The following MAP3K20 variants were observed in gnomAD, a reference collection of about 807,000 sequenced individuals.
MAP3K20 encodes mitogen-activated protein kinase kinase kinase 20, also known as HCCS-4.
Under a neutral mutation model 85.7 loss-of-function variants are expected in MAP3K20, and 40 were observed. That is an observed-to-expected ratio of 0.47 (90% CI 0.36 to 0.61). MAP3K20 has a LOEUF of 0.61. MAP3K20 is among the 20% of genes least tolerant of loss of function. The pLI is 0.00. For missense variants in MAP3K20, 817 were observed against 961.7 expected, an observed-to-expected ratio of 0.85 and a Z score of 1.99; for synonymous variants, 325 against 327.7, an observed-to-expected ratio of 0.99 and a Z score of 0.09.
At chr2:173,130,585 TA>T (rs1688587946) in intron 2 of MAP3K20, among the ~76,000 whole-genome samples, 1 of 151,736 alleles carries the variant, frequency 6.6e-6, no homozygotes, top group Non-Finnish European at 1.5e-5. Flanking sequence ...TTTTAGATTT[TA>T]AATGCACGTT....
At chr2:173,109,957 A>C (rs960911180) in intron 2 of MAP3K20, among the ~76,000 whole-genome samples, 1 of 151,796 alleles carries the variant, frequency 6.6e-6, no homozygotes, top group Non-Finnish European at 1.5e-5. Context: ...ATGCAGTTGC[A>C]GATGAGAAAT....
At chr2:173,185,264 G>A (rs1231963461) in intron 4 of MAP3K20, among the ~76,000 whole-genome samples, 1 of 152,084 alleles carries the variant, frequency 6.6e-6, no homozygotes, top group Non-Finnish European at 1.5e-5. Flanking sequence ...AAGGGAAGGA[G>A]AGAATGGGAT....
intron 2 of MAP3K20, among the ~76,000 whole-genome samples, chr2:173,107,218 A>AG (rs1687806942): frequency 6.6e-6 from 1 of 152,158 alleles, no homozygotes. Flanking sequence ...GGTGGTAATG[A>AG]GGGGCTCCCC....
At chr2:173,152,124 C>T (rs1465663085) in intron 2 of MAP3K20, among the ~76,000 whole-genome samples, 3 of 152,118 alleles carry the variant, frequency 2.0e-5, no homozygotes, top group Admixed American at 2.0e-4. Flanking sequence ...CATCTCTGGG[C>T]TCACTGTTGG....
rs755404451 is a variant in MAP3K20 at position 173,258,667 on chromosome 2, C to G, written c.1360-32C>G. On this transcript the variant is annotated intron_variant, in intron 16 of 19. Coordinates refer to ENST00000375213, the MANE Select transcript of MAP3K20 (RefSeq NM_016653.3). ...ACTAAAAAAAAAATTGTTTCACTTTCTCAAATTCTGTAATTTTGTTTTTAA... is the reference window on the plus strand; with the variant it reads ...ACTAAAAAAAAAATTGTTTCACTTTGTCAAATTCTGTAATTTTGTTTTTAA... The G allele has an allele frequency of 2.2e-6, 3 of 1,371,766 alleles. No homozygotes were observed. The African/African-American group carries it at 4.4e-5, about 20-fold the overall frequency. The allele number at this position is 1,371,766 out of a possible 1,614,324, so 85.0% of individuals were successfully genotyped here. A position where few individuals can be genotyped will look rare whatever the true frequency, so the allele number is the denominator to read the frequency against.
intron 2 of MAP3K20, among the ~76,000 whole-genome samples, chr2:173,159,584 C>T: frequency 6.6e-6 from 1 of 151,974 alleles, no homozygotes. Flanking sequence ...GAGATAGGGT[C>T]TCACTATGTT....
upstream of MAP3K20, chr2:173,075,766 C>T (rs553136771): frequency 2.6e-5 from 26 of 985,378 alleles, no homozygotes; most frequent in Admixed American, 3.1e-4. Context: ...CCACGCCCCG[C>T]TCGCCCGCGC....
chr2:173,264,781 T>G (rs111512917), intron 19 of MAP3K20, among the ~76,000 whole-genome samples: 1 of 151,896 alleles, frequency 6.6e-6, no homozygotes. Context: ...TCATGTGACG[T>G]ATGTAAAGTA....
At chr2:173,135,489 A>G (rs145055811) in intron 2 of MAP3K20, among the ~76,000 whole-genome samples, 1,830 of 152,342 alleles carry the variant, frequency 0.012, 21 homozygotes, top group Middle Eastern at 0.027. Context: ...ACAGAAGGAC[A>G]TTTTATATTT....
At chr2:173,084,536 CA>C (rs1687095766) in intron 1 of MAP3K20, among the ~76,000 whole-genome samples, 1 of 150,480 alleles carries the variant, frequency 6.6e-6, no homozygotes, top group Admixed American at 6.6e-5. Context: ...TGACAAAAAC[CA>C]AAAACGGCAG....
Position 173,217,106 on chromosome 2 carries a change from C to T in MAP3K20, c.852-9C>T, listed in dbSNP as rs751500522. 6.5e-7 allele frequency: 1 copy of T among 1,535,040 alleles called. No homozygotes were observed. The highest frequency in any genetic ancestry group is 1.3e-5 in the South Asian group (1 of 76,420). On this transcript the variant is annotated splice_polypyrimidine_tract_variant and intron_variant, in intron 10 of 19. Transcript: ENST00000375213. Reference sequence around the variant, plus strand: ...AAAGTTGAGACTTACACCAGCTATCCCCGTGCAGGTGCGAAATTGAGGCAA... The same window carrying T: ...AAAGTTGAGACTTACACCAGCTATCTCCGTGCAGGTGCGAAATTGAGGCAA...
At position 173,198,326 on chromosome 2, in the gene MAP3K20, C is replaced by A; in HGVS notation, c.669+214C>A. ...AGCTTCACGTCGTGATGCTGTAGAT[C>A]AAAAATTGTACAAGTACTGTACTAG... is the stretch of plus-strand genomic sequence containing the variant. On this transcript the variant is annotated intron_variant, in intron 8 of 19. Transcript: ENST00000375213. The surrounding 1 kb of genome is among the most constrained non-coding windows in gnomAD (Gnocchi z 5.8). The A allele has an allele frequency of 2.7e-6, 1 of 370,946 alleles. No homozygotes were observed. The highest frequency in any genetic ancestry group is 5.0e-6 in the Non-Finnish European group (1 of 200,912). 23.0% of individuals were successfully genotyped at this position (370,946 alleles called of 1,614,324 possible). A position where few individuals can be genotyped will look rare whatever the true frequency, so the allele number is the denominator to read the frequency against.
At chr2:173,143,924 A>G (rs1479518581) in intron 2 of MAP3K20, among the ~76,000 whole-genome samples, 1 of 152,184 alleles carries the variant, frequency 6.6e-6, no homozygotes, top group Non-Finnish European at 1.5e-5. Context: ...AACACAAAAA[A>G]TACATTGAAA....
chr2:173,157,942 GT>G (rs1479200169), intron 2 of MAP3K20, among the ~76,000 whole-genome samples: 1 of 152,202 alleles, frequency 6.6e-6, no homozygotes, highest in Non-Finnish European at 1.5e-5. Flanking sequence ...TTCTAGACCA[GT>G]TAATTTTTCC....
At chr2:173,239,596 C>G in intron 16 of MAP3K20, 100 bp downstream of exon 16, 2 of 1,022,134 alleles carry the variant, frequency 2.0e-6, no homozygotes, top group Non-Finnish European at 2.8e-6. Flanking sequence ...CAGCTGGTAA[C>G]TGGATTTTGA....
At chr2:173,239,328 T>C (rs975984473) in intron 15 of MAP3K20, 76 bp from the exon 16 acceptor site, 15 of 1,174,332 alleles carry the variant, frequency 1.3e-5, no homozygotes, top group Non-Finnish European at 1.5e-5. Flanking sequence ...AAAAAACTAG[T>C]GCCAAGATAT....
chr2:173,229,653 C>CTTTTTTTTTTTTTTTT, intron 11 of MAP3K20, 36 bp from the exon 12 acceptor site: 1 of 1,449,894 alleles, frequency 6.9e-7, no homozygotes, highest in Non-Finnish European at 9.4e-7. Flanking sequence ...GATAATATTA[C>CTTTTTTTTTTTTTTTT]TTTTTTTTTT....
intron 10 of MAP3K20, among the ~76,000 whole-genome samples, chr2:173,216,716 A>G (rs1684084055): frequency 6.6e-6 from 1 of 152,214 alleles, no homozygotes; most frequent in Non-Finnish European, 1.5e-5. Context: ...CCTAACCTGA[A>G]TATCATTTTC....
intron 1 of MAP3K20, among the ~76,000 whole-genome samples, chr2:173,080,864 C>T (rs1686994527): frequency 6.6e-6 from 1 of 151,986 alleles, no homozygotes; most frequent in African/African-American, 2.4e-5. Flanking sequence ...TGAGCAAGGC[C>T]CCAATACCCT....
Sources: allele counts gnomAD v4.1 joint callset (sites outside exome capture counted in the v4.1 genomes callset), GRCh38; gene constraint gnomAD v4.1.1; non-coding constraint Gnocchi (gnomAD v3.1); transcripts MANE v1.5; gene names NCBI Gene and HGNC (gene_info 2026-07-23, HGNC 2026-07-21).